Variants in FARP2 observed in about 807,000 individuals in gnomAD.
The protein encoded by FARP2 is FERM, ARHGEF and pleckstrin domain-containing protein 2.
Under a neutral mutation model 130.5 loss-of-function variants are expected in FARP2, and 111 were observed. That is an observed-to-expected ratio of 0.85 (90% CI 0.73 to 1.00). The LOEUF is 1.00. FARP2 is among the 50% of genes least tolerant of loss of function. FARP2 has a pLI of 0.00. For synonymous variants in FARP2, 504 were observed against 516.9 expected (o/e 0.98, Z 0.34); for missense variants, 1,385 against 1,346.3 (o/e 1.03, Z -0.45).
At chr2:241,474,262 G>A (rs2064393238) in intron 18 of FARP2, among the ~76,000 whole-genome samples, 1 of 133,376 alleles carries the variant, frequency 7.5e-6, no homozygotes, top group Non-Finnish European at 1.6e-5. Context: ...AGTGAGCCGA[G>A]ATCGTGCCAC....
intron 1 of FARP2, among the ~76,000 whole-genome samples, chr2:241,368,821 C>T (rs1390996669): frequency 6.6e-6 from 1 of 152,050 alleles, no homozygotes; most frequent in African/African-American, 2.4e-5. Context: ...AACTTAAAGT[C>T]TTAAACTTAA....
intron 17 of FARP2, among the ~76,000 whole-genome samples, chr2:241,464,470 A>G (rs888887974): frequency 4.0e-5 from 6 of 149,926 alleles, no homozygotes; most frequent in African/African-American, 1.5e-4. Context: ...CCCTCAGAAA[A>G]GGATTTTCTC....
At position 241,483,577 on chromosome 2, in the gene FARP2, A is replaced by G; in HGVS notation, c.2331+44A>G. 3 of 1,567,778 alleles carry G rather than the reference A, an allele frequency of 1.9e-6. No homozygotes were observed. Among genetic ancestry groups the G allele is most frequent in the Non-Finnish European group, 1.8e-6 (2 of 1,138,124 alleles). ...CAAGCTGTGCTTCCCCCCGAGGGGG[A>G]TGGGCAGCAGTTCTGTTAGGGACAT... On this transcript the variant is annotated intron_variant, in intron 20 of 26. Coordinates refer to ENST00000264042, the MANE Select transcript of FARP2 (RefSeq NM_014808.4).
chr2:241,370,279 T>C (rs1198909995), intron 1 of FARP2, among the ~76,000 whole-genome samples: 1 of 152,222 alleles, frequency 6.6e-6, no homozygotes, highest in African/African-American at 2.4e-5. Flanking sequence ...TGTATAAGGA[T>C]ACAAAACTTG....
chr2:241,471,650 C>A (rs1170666525), intron 18 of FARP2, among the ~76,000 whole-genome samples: 1 of 151,724 alleles, frequency 6.6e-6, no homozygotes, highest in South Asian at 2.1e-4. Context: ...CCCGACACCA[C>A]GCCTGTCTAA....
chr2:241,427,135 T>A (rs2062959567), intron 8 of FARP2, among the ~76,000 whole-genome samples: 1 of 152,062 alleles, frequency 6.6e-6, no homozygotes. Context: ...CTCAGGAGGC[T>A]GAGGTAGGAG....
intron 2 of FARP2, among the ~76,000 whole-genome samples, chr2:241,402,035 C>G (rs978622212): frequency 6.6e-6 from 1 of 152,100 alleles, no homozygotes; most frequent in African/African-American, 2.4e-5. Context: ...GGTGATCCAC[C>G]CACCTCAGCC....
At chr2:241,492,802 G>A (rs1413527857) in intron 24 of FARP2, 127 bp from the exon 25 acceptor site, 1 of 637,162 alleles carries the variant, frequency 1.6e-6, no homozygotes, top group Non-Finnish European at 2.8e-6. Flanking sequence ...GTTCATAGCA[G>A]TCCAGAGGTA....
At chr2:241,382,816 A>G (rs936168531) in intron 2 of FARP2, among the ~76,000 whole-genome samples, 1 of 152,138 alleles carries the variant, frequency 6.6e-6, no homozygotes, top group Non-Finnish European at 1.5e-5. Flanking sequence ...CTCCTGTTTA[A>G]TAGGCAAAAG....
chr2:241,483,561 C>T (rs2064678029), intron 20 of FARP2, 28 bp downstream of exon 20: 2 of 1,605,712 alleles, frequency 1.2e-6, no homozygotes, highest in East Asian at 4.5e-5. Context: ...TCAAGCTGTG[C>T]TTCCCCCCGA....
chr2:241,373,265 A>G lies in FARP2; in HGVS notation c.158A>G (p.Asn53Ser), dbSNP rs774356644. The change falls in exon 2 of 27, where the codon AAC becomes AGC. Residue 53 changes from asparagine to serine, a missense_variant. Asn to Ser is a conservative substitution (Grantham distance 46). Coordinates refer to ENST00000264042, the MANE Select transcript of FARP2 (RefSeq NM_014808.4). The part of the protein sequence containing the change: ...HLHLRVKLLD[N>S]TMEIFDIEPK... ...CACCTCAGAGTAAAGCTGCTGGACA[A>G]CACCATGGAAATATTTGACATTGAG... 5.3e-6 allele frequency: 8 copies of G among 1,498,660 alleles called. No individual in the cohort carries two copies. The Admixed American group carries it at 1.8e-4, about 34-fold the overall frequency. 92.8% of individuals were successfully genotyped at this position (1,498,660 alleles called of 1,614,324 possible). A position where few individuals can be genotyped will look rare whatever the true frequency, so the allele number is the denominator to read the frequency against.
chr2:241,487,630 G>A (rs991341456), intron 21 of FARP2, among the ~76,000 whole-genome samples: 1 of 137,474 alleles, frequency 7.3e-6, no homozygotes, highest in African/African-American at 2.8e-5. Context: ...TCACACCACT[G>A]CACTCCAGCC....
intron 13 of FARP2, 75 bp downstream of exon 13, chr2:241,441,631 C>G (rs576368630): frequency 1.7e-5 from 28 of 1,601,966 alleles, no homozygotes; most frequent in Non-Finnish European, 2.4e-5. Flanking sequence ...TGCCTTAGAC[C>G]TAGACACAGG....
Position 241,456,792 on chromosome 2 carries a change from GC to G in FARP2, c.1462del (p.Leu488Ter), listed in dbSNP as rs369365011. The part of the protein sequence containing the change: ...SPQPSPSSRK[S>X]PLSLSPAFQV... Reference sequence around the variant, plus strand: ...CAGCCTTCTCCCTCCAGCCGGAAGAGCCCCCTGAGTCTGAGCCCTGCATTTC... The same window carrying G: ...CAGCCTTCTCCCTCCAGCCGGAAGAGCCCCTGAGTCTGAGCCCTGCATTTC... On this transcript the variant is annotated frameshift_variant, in exon 14 of 27. Transcript: ENST00000264042. LOFTEE classifies it high-confidence loss of function. 5.6e-6 allele frequency: 9 copies of G among 1,614,122 alleles called. No homozygotes were observed. Among genetic ancestry groups the G allele is most frequent in the Middle Eastern group, 1.6e-4 (1 of 6,062 alleles).
chr2:241,484,397 T>G, intron 21 of FARP2, 66 bp downstream of exon 21: 1 of 1,334,406 alleles, frequency 7.5e-7, no homozygotes, highest in Non-Finnish European at 1.1e-6. Flanking sequence ...CCTACCTCTC[T>G]CCTGCAGAGG....
intron 2 of FARP2, among the ~76,000 whole-genome samples, chr2:241,389,517 A>C (rs1249009733): frequency 2.6e-5 from 4 of 152,186 alleles, no homozygotes; most frequent in Non-Finnish European, 4.4e-5. Context: ...GAAACTGCCC[A>C]GTCTATGGTG....
intron 8 of FARP2, among the ~76,000 whole-genome samples, chr2:241,421,481 G>A (rs2062805793): frequency 2.0e-5 from 3 of 152,220 alleles, no homozygotes; most frequent in African/African-American, 7.2e-5. Flanking sequence ...GCCTGAGATG[G>A]ATCCAAGTTC....
chr2:241,483,426 C>G (rs1445922531), intron 19 of FARP2, 39 bp from the exon 20 acceptor site: 1 of 1,578,560 alleles, frequency 6.3e-7, no homozygotes, highest in Non-Finnish European at 8.7e-7. Flanking sequence ...GCCAGCTGCC[C>G]TCAGCCCGCT....
intron 15 of FARP2, 92 bp downstream of exon 15, chr2:241,462,704 T>A: frequency 9.1e-6 from 8 of 883,114 alleles, no homozygotes; most frequent in Non-Finnish European, 1.4e-5. Flanking sequence ...TTTTTTCTTT[T>A]TTTGAGATGG....
Sources: allele counts gnomAD v4.1 joint callset (sites outside exome capture counted in the v4.1 genomes callset), GRCh38; gene constraint gnomAD v4.1.1; transcripts MANE v1.5; gene names NCBI Gene and HGNC (gene_info 2026-07-23, HGNC 2026-07-21).